ECPAS: variants seen among roughly 807,000 people sequenced by gnomAD.
The protein encoded by ECPAS is Ecm29 proteasome adaptor and scaffold, also known as proteasome adapter and scaffold protein ECM29.
Under a neutral mutation model 255.1 loss-of-function variants are expected in ECPAS, and 70 were observed. That is an observed-to-expected ratio of 0.27 (90% CI 0.23 to 0.33). The LOEUF (loss-of-function observed/expected upper bound fraction) is 0.33, where lower values mean the gene tolerates loss of function less well. Among genes scored for constraint, ECPAS ranks in the 10% least tolerant of loss-of-function variants. The probability of loss-of-function intolerance (pLI) is 1.00; values close to 1 mark genes in which losing one functional copy is unlikely to be tolerated. For synonymous variants in ECPAS, 784 were observed against 775.0 expected, an observed-to-expected ratio of 1.01 and a Z score of -0.19; for missense variants, 1,817 against 2,206.4, an observed-to-expected ratio of 0.82 and a Z score of 3.54.
At chr9:111,421,592 TC>T (rs2098214022) in intron 15 of ECPAS, among the ~76,000 whole-genome samples, 1 of 152,182 alleles carries the variant, frequency 6.6e-6, no homozygotes, top group South Asian at 2.1e-4. Flanking sequence ...TCTGCTTTTC[TC>T]TGAAAATGTT....
At chr9:111,399,512 G>A (rs1457964730) in intron 24 of ECPAS, among the ~76,000 whole-genome samples, 2 of 152,184 alleles carry the variant, frequency 1.3e-5, no homozygotes, top group African/African-American at 4.8e-5. Flanking sequence ...GCAGAATTCT[G>A]CCAGTGCCCA....
At chr9:111,383,096 A>G in intron 35 of ECPAS, 115 bp downstream of exon 35, 1 of 1,238,566 alleles carries the variant, frequency 8.1e-7, no homozygotes, top group African/African-American at 1.5e-5. Flanking sequence ...AAATGACCCA[A>G]GGGTCATTCT....
At chr9:111,427,630 T>C (rs1418639745) in intron 10 of ECPAS, among the ~76,000 whole-genome samples, 1 of 152,244 alleles carries the variant, frequency 6.6e-6, no homozygotes, top group Admixed American at 6.5e-5. Flanking sequence ...AATCTAAAGA[T>C]GAAATTCACT....
intron 24 of ECPAS, among the ~76,000 whole-genome samples, chr9:111,402,132 C>G (rs1268174773): frequency 6.6e-6 from 1 of 152,200 alleles, no homozygotes; most frequent in African/African-American, 2.4e-5. Context: ...GCAGTAAAGA[C>G]AGGCATAAGA....
At chr9:111,458,688 CCAAT>C (rs1053550808) in intron 2 of ECPAS, among the ~76,000 whole-genome samples, 47 of 151,956 alleles carry the variant, frequency 3.1e-4, no homozygotes, top group African/African-American at 1.0e-3. Flanking sequence ...GGGCAATGAT[CCAAT>C]CAATCAATCA....
At chr9:111,482,540 G>A (rs1207414217) in intron 1 of ECPAS, among the ~76,000 whole-genome samples, 1 of 151,988 alleles carries the variant, frequency 6.6e-6, no homozygotes, top group Non-Finnish European at 1.5e-5. Flanking sequence ...AACAACGTAA[G>A]CTTCATAAAG....
chr9:111,397,251 GT>G (rs1283199771), intron 24 of ECPAS, 98 bp from the exon 25 acceptor site: 1 of 1,483,184 alleles, frequency 6.7e-7, no homozygotes, highest in East Asian at 2.3e-5. Context: ...TTCTGAGCAT[GT>G]TTTGTTTTCA....
chr9:111,449,255 A>G (rs1216715135), intron 3 of ECPAS, among the ~76,000 whole-genome samples: 2 of 152,164 alleles, frequency 1.3e-5, no homozygotes, highest in Non-Finnish European at 2.9e-5. Context: ...AAATACAGTT[A>G]AAAAGGGAAC....
intron 1 of ECPAS, among the ~76,000 whole-genome samples, chr9:111,473,881 G>A (rs2098292747): frequency 6.6e-6 from 1 of 152,086 alleles, no homozygotes; most frequent in Non-Finnish European, 1.5e-5. Flanking sequence ...GTCAGAAGAT[G>A]GATTGAGACC....
intron 46 of ECPAS, among the ~76,000 whole-genome samples, chr9:111,368,286 T>C (rs980534294): frequency 2.6e-5 from 4 of 152,224 alleles, no homozygotes; most frequent in East Asian, 1.9e-4. Context: ...GTTCTGAAAA[T>C]TGTCCAAATA....
chr9:111,425,186 CAA>C (rs758231664), intron 12 of ECPAS, among the ~76,000 whole-genome samples: 8 of 129,784 alleles, frequency 6.2e-5, no homozygotes, highest in South Asian at 2.4e-4. Flanking sequence ...AACTCCATCT[CAA>C]AAAAAAAAAA....
chr9:111,456,898 T>C (rs779540352), intron 2 of ECPAS, among the ~76,000 whole-genome samples: 1 of 152,124 alleles, frequency 6.6e-6, no homozygotes, highest in South Asian at 2.1e-4. Context: ...GATAACTGCA[T>C]GTAGAAAGAA....
At chr9:111,467,449 T>G (rs2098280973) in intron 2 of ECPAS, among the ~76,000 whole-genome samples, 1 of 152,230 alleles carries the variant, frequency 6.6e-6, no homozygotes, top group African/African-American at 2.4e-5. Flanking sequence ...ATTACTAACT[T>G]ACTTCATGAG....
intron 21 of ECPAS, 103 bp from the exon 22 acceptor site, chr9:111,411,245 C>T: frequency 8.4e-7 from 1 of 1,190,196 alleles, no homozygotes; most frequent in Non-Finnish European, 1.2e-6. Flanking sequence ...TCCAACAAAA[C>T]ATAAGGCTAA....
At chr9:111,479,811 T>C (rs1302273377) in intron 1 of ECPAS, among the ~76,000 whole-genome samples, 1 of 151,934 alleles carries the variant, frequency 6.6e-6, no homozygotes, top group Non-Finnish European at 1.5e-5. Flanking sequence ...AAACCTCGTC[T>C]CTACTAAAAA....
intron 2 of ECPAS, among the ~76,000 whole-genome samples, chr9:111,462,028 G>A (rs533266868): frequency 6.6e-6 from 1 of 152,146 alleles, no homozygotes; most frequent in Admixed American, 6.5e-5. Flanking sequence ...GGGAATTATG[G>A]GAGCTACAAG....
intron 37 of ECPAS, among the ~76,000 whole-genome samples, chr9:111,376,010 A>G (rs73656235): frequency 0.056 from 8,486 of 152,262 alleles, 574 homozygotes; most frequent in African/African-American, 0.15. Context: ...GAACCTCAGA[A>G]TGCCAAGCAG....
rs2098130526 is a variant in ECPAS, at chr9:111,374,021, G to C, written c.4128C>G (p.Val1376=). The change falls in exon 39 of 50, where the codon GTC becomes GTG. Residue 1376 remains valine (V), a synonymous_variant. Transcript: ENST00000684092. ...GLGTKGGCAS[V]IVSLTTQCPQ... is the part of the protein sequence containing the mutation. The stretch of plus-strand genomic sequence containing the variant: ...GACACTGAGTAGTTAATGACACAAT[G>C]ACACTGGCACAGCCACCCTACAGGG... 3 of 1,613,058 alleles carry C rather than the reference G, an allele frequency of 1.9e-6. No homozygotes were observed. The highest frequency in any genetic ancestry group is 2.5e-6 in the Non-Finnish European group (3 of 1,179,200).
At chr9:111,454,797 C>T (rs1009040646) in intron 2 of ECPAS, among the ~76,000 whole-genome samples, 1 of 151,944 alleles carries the variant, frequency 6.6e-6, no homozygotes, top group African/African-American at 2.4e-5. Flanking sequence ...GCAGCCTCAA[C>T]CTCCTGGGCT....
Sources: gnomAD v4.1 joint callset for allele counts (sites outside exome capture counted in the v4.1 genomes callset) on GRCh38, gnomAD v4.1.1 for gene constraint, MANE v1.5 for transcripts, NCBI Gene and HGNC (gene_info 2026-07-23, HGNC 2026-07-21) for gene names.